SGCZ: variants seen among roughly 807,000 people sequenced by gnomAD.
SGCZ encodes the protein zeta-sarcoglycan.
SGCZ carries 40 observed loss-of-function variants against 41.3 expected under a neutral mutation model. That is an observed-to-expected ratio of 0.97 (90% CI 0.75 to 1.26). The LOEUF (loss-of-function observed/expected upper bound fraction) is 1.26, where lower values mean the gene tolerates loss of function less well. Among genes scored for constraint, SGCZ ranks in the 50% most tolerant of loss-of-function variants. The probability of loss-of-function intolerance (pLI) is 0.00; values close to 1 mark genes in which losing one functional copy is unlikely to be tolerated. For synonymous variants in SGCZ, 206 were observed against 137.5 expected (o/e 1.50, Z -3.49); for missense variants, 552 against 369.8 (o/e 1.49, Z -4.04).
chr8:15,011,494 C>G (rs931718105), intron 1 of SGCZ, among the ~76,000 whole-genome samples: 2 of 152,030 alleles, frequency 1.3e-5, no homozygotes, highest in Non-Finnish European at 2.9e-5. Flanking sequence ...TAATAAAAAT[C>G]AAGAAATAAT....
intron 1 of SGCZ, among the ~76,000 whole-genome samples, chr8:14,631,515 G>T (rs6530791): frequency 0.67 from 102,075 of 151,824 alleles, 34,525 homozygotes; most frequent in East Asian, 0.79. Flanking sequence ...TAATTGGTTT[G>T]AAACATTTAC....
intron 3 of SGCZ, among the ~76,000 whole-genome samples, chr8:14,240,348 A>T (rs1043532605): frequency 4.8e-5 from 7 of 144,540 alleles, no homozygotes; most frequent in South Asian, 2.1e-4. Flanking sequence ...AAAAAAAAAA[A>T]AAAAAAAGAA....
intron 1 of SGCZ, among the ~76,000 whole-genome samples, chr8:15,089,662 A>T (rs1806078067): frequency 6.6e-6 from 1 of 152,172 alleles, no homozygotes; most frequent in Non-Finnish European, 1.5e-5. Context: ...AAGTTACTTA[A>T]TCTGTGTGTG....
At position 15,023,514 on chromosome 8, in the gene SGCZ, C is replaced by T. The variant is rs572673620; in HGVS notation, c.39+214071G>A. ...TCTATGTGTGTGGCTGTTCATGCTA[C>T]TCAAAGTATGGGTCTCAGTCCACTG... On this transcript the variant is annotated intron_variant, in intron 1 of 7. Coordinates refer to ENST00000382080, the MANE Select transcript of SGCZ (RefSeq NM_139167.4). Among the ~76,000 whole-genome samples, 13 of 152,278 alleles carry T rather than the reference C, an allele frequency of 8.5e-5. No individual in the cohort carries two copies. In the South Asian group the frequency reaches 2.3e-3, roughly 27 times the overall value.
Position 14,479,731 on chromosome 8 carries a change from C to CTTTTTTTTTTTTTTTTTTTTTTTT in SGCZ, c.234+74977_234+75000dup, listed in dbSNP as rs529812029. 2.5e-4 allele frequency among the ~76,000 whole-genome samples: 13 copies of CTTTTTTTTTTTTTTTTTTTTTTTT among 52,968 alleles called. 3 individuals are homozygous for CTTTTTTTTTTTTTTTTTTTTTTTT. The highest frequency in any genetic ancestry group is 3.5e-4 in the African/African-American group (7 of 19,798). 34.7% of individuals were successfully genotyped at this position (52,968 alleles called of 152,430 possible). A position where few individuals can be genotyped will look rare whatever the true frequency, so the allele number is the denominator to read the frequency against. On this transcript the variant is annotated intron_variant, in intron 2 of 7. Transcript: ENST00000382080. The stretch of plus-strand genomic sequence containing the variant: ...GTCGCATACCTCCAGAATTCTACTT[C>CTTTTTTTTTTTTTTTTTTTTTTTT]TTTTTTTTTTTTTTTTTTTTTTTTT...
intron 2 of SGCZ, among the ~76,000 whole-genome samples, chr8:14,463,521 C>T (rs1800961388): frequency 1.3e-5 from 2 of 151,018 alleles, no homozygotes; most frequent in Non-Finnish European, 1.5e-5. Context: ...AATATGAAAT[C>T]TAAAACTATA....
intron 1 of SGCZ, among the ~76,000 whole-genome samples, chr8:14,776,518 C>CTTTTTTTTTTTTTTT (rs35602866): frequency 1.5e-4 from 18 of 116,632 alleles, no homozygotes; most frequent in Non-Finnish European, 2.2e-4. Flanking sequence ...TTTTCTTTTT[C>CTTTTTTTTTTTTTTT]TTTTTTTTTT....
At chr8:14,993,620 T>G (rs1267282856) in intron 1 of SGCZ, among the ~76,000 whole-genome samples, 1 of 152,074 alleles carries the variant, frequency 6.6e-6, no homozygotes, top group Non-Finnish European at 1.5e-5. Context: ...AAAGCATAAT[T>G]TGAGCAAAGA....
At chr8:14,215,666 T>G (rs1366220277) in intron 4 of SGCZ, among the ~76,000 whole-genome samples, 1 of 152,094 alleles carries the variant, frequency 6.6e-6, no homozygotes, top group Non-Finnish European at 1.5e-5. Context: ...ACCATATCAC[T>G]ATAGATAGTT....
intron 1 of SGCZ, among the ~76,000 whole-genome samples, chr8:15,089,762 A>T (rs1417111417): frequency 1.3e-5 from 2 of 152,170 alleles, no homozygotes; most frequent in Admixed American, 6.5e-5. Context: ...CGTCATGTAC[A>T]CAGTAAGTAC....
rs192211054 is a variant in SGCZ, at chr8:15,004,456, G to A, written c.39+233129C>T. ...AAAGGCAGACACTTAAGATAGAGGT[G>A]GGAAAACTAGACCAAAAAAGGTGGA... On this transcript the variant is annotated intron_variant, in intron 1 of 7. Coordinates refer to ENST00000382080, the MANE Select transcript of SGCZ (RefSeq NM_139167.4). Among the ~76,000 whole-genome samples the A allele has an allele frequency of 4.1e-3, 630 of 152,158 alleles. 7 individuals carry two copies. The highest frequency in any genetic ancestry group is 6.4e-3 in the Admixed American group (98 of 15,274).
chr8:14,386,190 A>T (rs771919285), intron 2 of SGCZ, among the ~76,000 whole-genome samples: 53 of 152,248 alleles, frequency 3.5e-4, no homozygotes, highest in Non-Finnish European at 3.7e-4. Context: ...GAGAACATGG[A>T]GTCAAATCAA....
chr8:14,178,870 A>C (rs1000133773), intron 4 of SGCZ, among the ~76,000 whole-genome samples: 1 of 152,238 alleles, frequency 6.6e-6, no homozygotes, highest in Non-Finnish European at 1.5e-5. Flanking sequence ...TTAGGAACTC[A>C]TTAAATGTCT....
chr8:14,407,276 C>T (rs1051672314), intron 2 of SGCZ, among the ~76,000 whole-genome samples: 10 of 151,924 alleles, frequency 6.6e-5, no homozygotes, highest in African/African-American at 2.4e-4. Context: ...ACCATGCTGG[C>T]CAGGCTGGTC....
intron 1 of SGCZ, among the ~76,000 whole-genome samples, chr8:14,939,574 T>A (rs1800200086): frequency 6.6e-6 from 1 of 152,096 alleles, no homozygotes; most frequent in Non-Finnish European, 1.5e-5. Context: ...AGTCGCTTCA[T>A]CAAAGAAATG....
chr8:14,396,592 A>C (rs1332297606), intron 2 of SGCZ, among the ~76,000 whole-genome samples: 1 of 152,106 alleles, frequency 6.6e-6, no homozygotes, highest in Non-Finnish European at 1.5e-5. Context: ...TATAATGGAC[A>C]AGATAGACAA....
intron 1 of SGCZ, among the ~76,000 whole-genome samples, chr8:15,060,103 C>T (rs1804864118): frequency 6.6e-6 from 1 of 152,022 alleles, no homozygotes; most frequent in African/African-American, 2.4e-5. Flanking sequence ...TTGTGGAAGT[C>T]AATGTGGTGT....
intron 5 of SGCZ, among the ~76,000 whole-genome samples, chr8:14,160,647 T>G (rs1804016951): frequency 6.6e-6 from 1 of 152,170 alleles, no homozygotes; most frequent in Non-Finnish European, 1.5e-5. Flanking sequence ...ATTACAAACC[T>G]TAAGCATGTG....
intron 1 of SGCZ, among the ~76,000 whole-genome samples, chr8:15,085,566 T>C (rs1406365749): frequency 6.6e-6 from 1 of 152,158 alleles, no homozygotes; most frequent in Non-Finnish European, 1.5e-5. Context: ...TAACCCAGAA[T>C]CTGTAGGTAA....
Sources: gnomAD v4.1 joint callset for allele counts (sites outside exome capture counted in the v4.1 genomes callset) on GRCh38, gnomAD v4.1.1 for gene constraint, MANE v1.5 for transcripts, NCBI Gene and HGNC (gene_info 2026-07-23, HGNC 2026-07-21) for gene names.